PDXDC1: variants seen among roughly 807,000 people sequenced by gnomAD.
The protein encoded by PDXDC1 is pyridoxal-dependent decarboxylase domain-containing protein 1.
PDXDC1 carries 42 observed loss-of-function variants against 100.1 expected under a neutral mutation model. The ratio of observed to expected loss-of-function variants is 0.42; its 90% CI spans 0.33 to 0.54. PDXDC1 has a LOEUF of 0.54. Ranked by LOEUF, PDXDC1 falls within the 20% of genes least tolerant of loss-of-function variation. The pLI, the probability that PDXDC1 is intolerant of heterozygous loss-of-function variation, is 0.10. For missense variants in PDXDC1, 636 were observed against 979.2 expected (o/e 0.65, Z 4.68); for synonymous variants, 260 against 371.7 (o/e 0.70, Z 3.46).
At chr16:15,074,974 G>A (rs2045389446) in intron 16 of PDXDC1, 8 of 1,109,008 alleles carry the variant, frequency 7.2e-6, no homozygotes, top group South Asian at 1.7e-5. Context: ...AAGAGGCTGG[G>A]GAAAGCGGCT....
chr16:15,125,788 G>T, intron 16 of PDXDC1: 1 of 1,401,984 alleles, frequency 7.1e-7, no homozygotes, highest in Non-Finnish European at 1.0e-6. Context: ...GGCAGGTGTG[G>T]GGCTCGGGCT....
At chr16:15,042,881 C>T (rs191503115), downstream of PDXDC1, among the ~76,000 whole-genome samples, 6 of 151,020 alleles carry the variant, frequency 4.0e-5, no homozygotes, top group South Asian at 4.2e-4. Flanking sequence ...TACAGGCGTG[C>T]GCCACCATGC....
chr16:15,133,767 T>C (rs115428654), intron 16 of PDXDC1: 103,157 of 1,586,730 alleles, frequency 0.065, 6,429 homozygotes, highest in East Asian at 0.37. Flanking sequence ...GGGATCCCGC[T>C]GCTCCCCCTA....
intron 16 of PDXDC1, among the ~76,000 whole-genome samples, chr16:15,092,128 G>T (rs571265161): frequency 6.6e-6 from 1 of 152,236 alleles, no homozygotes; most frequent in South Asian, 2.1e-4. Context: ...GCAGTGAGCC[G>T]AGGTCACGCC....
chr16:15,065,877 T>C (rs1352220118), intron 16 of PDXDC1, among the ~76,000 whole-genome samples: 2 of 152,222 alleles, frequency 1.3e-5, no homozygotes, highest in African/African-American at 4.8e-5. Flanking sequence ...GACACGGGGT[T>C]GACTAAGTCA....
At chr16:15,047,631 G>T in intron 16 of PDXDC1, 1 of 1,079,552 alleles carries the variant, frequency 9.3e-7, no homozygotes, top group Non-Finnish European at 1.4e-6. Context: ...CTGTCCCTCC[G>T]GACCGCCTCA....
intron 16 of PDXDC1, among the ~76,000 whole-genome samples, chr16:15,073,848 C>T (rs950990515): frequency 2.6e-5 from 4 of 151,992 alleles, no homozygotes; most frequent in Non-Finnish European, 5.9e-5. Context: ...GTCTTGAACT[C>T]CTGGCCTCAG....
rs990830638 is a variant in PDXDC1, at chr16:15,037,858, T to C, written c.*1583T>C. 1 of 528,394 alleles carries C rather than the reference T, an allele frequency of 1.9e-6. No homozygotes were observed. Among genetic ancestry groups the C allele is most frequent in the Middle Eastern group, 5.0e-4 (1 of 2,002 alleles). The allele number at this position is 528,394 out of a possible 1,614,324, so 32.7% of individuals were successfully genotyped here. A position where few individuals can be genotyped will look rare whatever the true frequency, so the allele number is the denominator to read the frequency against. ...AAAAAATAAGTCTCAACAAATGCCT[T>C]TGCCAAAATAAGGTTTTATTTTGAA... On this transcript the variant is annotated 3_prime_UTR_variant, in exon 23 of 23. Coordinates refer to ENST00000396410, the MANE Select transcript of PDXDC1 (RefSeq NM_015027.4).
rs769262912 is a variant in PDXDC1 at position 15,029,020 on chromosome 16, G to A, written c.1293+54G>A. On this transcript the variant is annotated intron_variant, in intron 15 of 22. Coordinates refer to ENST00000396410, the MANE Select transcript of PDXDC1 (RefSeq NM_015027.4). ...TTCAGGTCCCCGTCCATCACCATCC[G>A]ACCTGCTGGTGAGGGTGACGCGTGC... 2.2e-5 allele frequency: 35 copies of A among 1,572,826 alleles called. No homozygotes were observed. In the Middle Eastern group the frequency reaches 5.1e-4, roughly 23 times the overall value.
At position 15,001,812 on chromosome 16, in the gene PDXDC1, G is replaced by C. The variant is rs141805889; in HGVS notation, c.198G>C (p.Gln66His). 1 of 1,611,492 alleles carries C rather than the reference G, an allele frequency of 6.2e-7. No individual in the cohort carries two copies. Among genetic ancestry groups the C allele is most frequent in the Middle Eastern group, 2.2e-4 (1 of 4,460 alleles). Residue 66 changes from glutamine (Q) to histidine (H), a missense_variant, in exon 4 of 23, where the codon CAG becomes CAC. This residue lies in a region of PDXDC1 where 125 missense variants were observed against 479.9 expected (regional missense o/e 0.26). Transcript: ENST00000396410. ...TGGTGAGCATCCTCCAGTTAGTTCA[G>C]AATCTCATGCATGGAGATGAAGATG... ...QDMVSILQLV[Q>H]NLMHGDEDEE...
At chr16:15,131,510 G>C in intron 16 of PDXDC1, 3 of 1,608,176 alleles carry the variant, frequency 1.9e-6, no homozygotes, top group Non-Finnish European at 2.5e-6. Flanking sequence ...GGGTCCGAGC[G>C]CTTGCCCTGG....
chr16:15,144,792 T>C, the PDXDC1 span, among the ~76,000 whole-genome samples: 12 of 152,246 alleles, frequency 7.9e-5, no homozygotes, highest in South Asian at 2.3e-3. Flanking sequence ...TGTCCTTGCC[T>C]ACACGGATGG....
the PDXDC1 span, among the ~76,000 whole-genome samples, chr16:15,150,130 G>T: frequency 1.2e-3 from 177 of 151,772 alleles, no homozygotes; most frequent in African/African-American, 4.0e-3. Context: ...GGATCACGAG[G>T]TCAGGAGATC....
chr16:15,066,817 AC>A (rs1353715520), intron 16 of PDXDC1, among the ~76,000 whole-genome samples: 1 of 151,666 alleles, frequency 6.6e-6, no homozygotes, highest in Non-Finnish European at 1.5e-5. Flanking sequence ...GCCTTTATTT[AC>A]CATATCTGTA....
intron 1 of PDXDC1, chr16:14,988,690 G>A (rs1246578338): frequency 6.2e-7 from 1 of 1,613,614 alleles, no homozygotes; most frequent in Non-Finnish European, 8.5e-7. Context: ...AGGTTGATAT[G>A]GTCGTTCTTG....
intron 16 of PDXDC1, among the ~76,000 whole-genome samples, chr16:15,111,964 G>C (rs2151874911): frequency 6.8e-6 from 1 of 147,782 alleles, no homozygotes; most frequent in Admixed American, 6.8e-5. Context: ...TTCCTGATCT[G>C]CACTGGAGCA....
chr16:14,981,849 G>A (rs1350506366), intron 1 of PDXDC1, among the ~76,000 whole-genome samples: 5 of 149,164 alleles, frequency 3.4e-5, no homozygotes, highest in Non-Finnish European at 1.5e-5. Context: ...TTTTTTTTGA[G>A]ATGGAGTTTT....
At chr16:14,992,531 C>T (rs1231635630) in intron 1 of PDXDC1, among the ~76,000 whole-genome samples, 1 of 152,292 alleles carries the variant, frequency 6.6e-6, no homozygotes, top group African/African-American at 2.4e-5. Flanking sequence ...ATTCTCTTCA[C>T]TGTCTGCACT....
intron 16 of PDXDC1, chr16:15,130,629 G>A (rs1352960666): frequency 7.4e-7 from 1 of 1,350,254 alleles, no homozygotes; most frequent in East Asian, 2.3e-5. Flanking sequence ...GGCCCGCAGA[G>A]CTCACCCCGG....
Sources: allele counts gnomAD v4.1 joint callset (sites outside exome capture counted in the v4.1 genomes callset), GRCh38; gene constraint gnomAD v4.1.1; regional missense constraint gnomAD v4.1.1; transcripts MANE v1.5; gene names NCBI Gene and HGNC (gene_info 2026-07-23, HGNC 2026-07-21).